Variants in CLVS1 observed in about 807,000 individuals in gnomAD.
CLVS1 encodes the protein clavesin 1, also known as clavesin-1.
CLVS1 carries 10 observed loss-of-function variants against 33.1 expected under a neutral mutation model. The observed-to-expected ratio is 0.30, with a 90% CI of 0.19 to 0.51. The LOEUF is 0.51. Ranked by LOEUF, CLVS1 falls within the 20% of genes least tolerant of loss-of-function variation. The pLI is 0.97. For synonymous variants in CLVS1, 163 were observed against 166.1 expected (o/e 0.98, Z 0.14); for missense variants, 343 against 433.4 (o/e 0.79, Z 1.85).
At chr8:61,088,781 C>CT (rs912488315) in intron 1 of CLVS1, among the ~76,000 whole-genome samples, 35 of 147,920 alleles carry the variant, frequency 2.4e-4, no homozygotes, top group African/African-American at 5.2e-4. Flanking sequence ...TATGGTCAAG[C>CT]TTTTTTTTTT....
intron 5 of CLVS1, among the ~76,000 whole-genome samples, chr8:61,498,493 T>A (rs1295986740): frequency 2.6e-5 from 4 of 152,238 alleles, no homozygotes; most frequent in Non-Finnish European, 5.9e-5. Flanking sequence ...GTTGTGAACA[T>A]TTATTAAATA....
chr8:61,035,847 A>C, the CLVS1 span, among the ~76,000 whole-genome samples: 1 of 152,144 alleles, frequency 6.6e-6, no homozygotes, highest in Admixed American at 6.5e-5. Flanking sequence ...CATTATCCTG[A>C]CATACAAACT....
intron 1 of CLVS1, among the ~76,000 whole-genome samples, chr8:61,097,161 A>G (rs978171333): frequency 2.0e-5 from 3 of 151,560 alleles, no homozygotes; most frequent in Non-Finnish European, 2.9e-5. Flanking sequence ...GGAGTTTGAG[A>G]TCAGCCTGGG....
At chr8:61,473,406 CG>C (rs1161595350) in intron 5 of CLVS1, among the ~76,000 whole-genome samples, 1 of 145,366 alleles carries the variant, frequency 6.9e-6, no homozygotes, top group East Asian at 2.0e-4. Flanking sequence ...GGGAAAATGA[CG>C]GGGGTGATGC....
At chr8:61,009,516 C>G in the CLVS1 span, among the ~76,000 whole-genome samples, 368 of 137,716 alleles carry the variant, frequency 2.7e-3, no homozygotes, top group African/African-American at 9.7e-3. Flanking sequence ...TTTATATATA[C>G]TTGCTTATTA....
At chr8:61,431,254 G>A (rs1563550435) in intron 3 of CLVS1, among the ~76,000 whole-genome samples, 2 of 152,172 alleles carry the variant, frequency 1.3e-5, no homozygotes, top group East Asian at 3.9e-4. Context: ...GGGTCTCATG[G>A]TGGGGAACAC....
chr8:61,279,082 C>T (rs766007565), intron 2 of CLVS1, among the ~76,000 whole-genome samples: 2 of 152,178 alleles, frequency 1.3e-5, no homozygotes, highest in Non-Finnish European at 2.9e-5. Context: ...GCCGGGGCCT[C>T]GCCTTTGGAC....
At chr8:61,270,583 G>C (rs537970636) in intron 2 of CLVS1, among the ~76,000 whole-genome samples, 1 of 152,294 alleles carries the variant, frequency 6.6e-6, no homozygotes, top group South Asian at 2.1e-4. Flanking sequence ...AGTTTCAGAA[G>C]GAATGGTACC....
intron 2 of CLVS1, among the ~76,000 whole-genome samples, chr8:61,372,577 C>T (rs570562909): frequency 1.1e-4 from 17 of 151,898 alleles, no homozygotes; most frequent in Non-Finnish European, 5.9e-5. Flanking sequence ...TCATTAATGT[C>T]CATACGTTAT....
intron 3 of CLVS1, among the ~76,000 whole-genome samples, chr8:61,424,378 C>G (rs1044406373): frequency 6.6e-6 from 1 of 152,180 alleles, no homozygotes; most frequent in African/African-American, 2.4e-5. Context: ...TTTGTTTGTT[C>G]TACATGTTCA....
chr8:61,252,525 T>A (rs1208427537), intron 2 of CLVS1, among the ~76,000 whole-genome samples: 1 of 152,140 alleles, frequency 6.6e-6, no homozygotes, highest in Non-Finnish European at 1.5e-5. Flanking sequence ...GGTGTTAAAA[T>A]CTCCCACTAT....
At chr8:61,230,852 G>T (rs1808416129) in intron 2 of CLVS1, among the ~76,000 whole-genome samples, 1 of 152,136 alleles carries the variant, frequency 6.6e-6, no homozygotes, top group South Asian at 2.1e-4. Context: ...TTGGTGTCTG[G>T]TGAGGGCCTG....
intron 3 of CLVS1, among the ~76,000 whole-genome samples, chr8:61,391,460 G>C (rs1814302257): frequency 6.6e-6 from 1 of 152,150 alleles, no homozygotes; most frequent in South Asian, 2.1e-4. Context: ...GTTGTTGCAG[G>C]GCTCAAAAGC....
intron 1 of CLVS1, 133 bp downstream of exon 1, chr8:61,288,271 T>C (rs1809844902): frequency 2.2e-6 from 1 of 456,454 alleles, no homozygotes; most frequent in Non-Finnish European, 4.4e-6. Context: ...CCCTCTGCAC[T>C]CCATCCCTCC....
chr8:61,254,193 C>A (rs1196890613), intron 2 of CLVS1, among the ~76,000 whole-genome samples: 1 of 152,142 alleles, frequency 6.6e-6, no homozygotes, highest in Non-Finnish European at 1.5e-5. Context: ...CACTCCAGAC[C>A]CTGTTTGCCT....
chr8:61,484,699 C>T (rs1414718503), intron 5 of CLVS1, among the ~76,000 whole-genome samples: 1 of 152,204 alleles, frequency 6.6e-6, no homozygotes, highest in Non-Finnish European at 1.5e-5. Flanking sequence ...AACTATACTA[C>T]AAGGCTACAG....
chr8:61,230,359 G>T (rs1303276878), intron 2 of CLVS1, among the ~76,000 whole-genome samples: 1 of 152,170 alleles, frequency 6.6e-6, no homozygotes, highest in Non-Finnish European at 1.5e-5. Context: ...TCCCATTCTT[G>T]GCTGTGAGAT....
At chr8:61,109,449 C>T (rs1429483653) in intron 1 of CLVS1, among the ~76,000 whole-genome samples, 1 of 151,848 alleles carries the variant, frequency 6.6e-6, no homozygotes, top group Non-Finnish European at 1.5e-5. Flanking sequence ...ATAAATATAA[C>T]CAAATATATT....
chr8:61,204,129 C>T (rs1807793783), intron 2 of CLVS1, among the ~76,000 whole-genome samples: 1 of 152,164 alleles, frequency 6.6e-6, no homozygotes, highest in Non-Finnish European at 1.5e-5. Context: ...AACTGGTGCT[C>T]TTTTCACAGA....
Sources: allele counts gnomAD v4.1 joint callset (sites outside exome capture counted in the v4.1 genomes callset), GRCh38; gene constraint gnomAD v4.1.1; transcripts MANE v1.5; gene names NCBI Gene and HGNC (gene_info 2026-07-23, HGNC 2026-07-21).